EFL1: variants seen among roughly 807,000 people sequenced by gnomAD.
EFL1 encodes the protein elongation factor-like GTPase 1.
Under a neutral mutation model 126.7 loss-of-function variants are expected in EFL1, and 76 were observed. That is an observed-to-expected ratio of 0.60 (90% CI 0.50 to 0.73). EFL1 has a LOEUF of 0.73. EFL1 is among the 30% of genes least tolerant of loss of function. The pLI is 0.00. For synonymous variants in EFL1, 410 were observed against 448.4 expected (o/e 0.91, Z 1.08); for missense variants, 1,128 against 1,343.2 (o/e 0.84, Z 2.50).
chr15:82,199,922 G>T (rs538673865), intron 15 of EFL1, among the ~76,000 whole-genome samples: 2 of 152,124 alleles, frequency 1.3e-5, no homozygotes, highest in African/African-American at 2.4e-5. Flanking sequence ...AATTATTAAA[G>T]CTAAAAGTGA....
chr15:82,202,115 T>C (rs917492540), intron 15 of EFL1, among the ~76,000 whole-genome samples: 3 of 152,222 alleles, frequency 2.0e-5, no homozygotes, highest in Non-Finnish European at 2.9e-5. Flanking sequence ...TCAAAAAGTT[T>C]TGAATCTTTG....
At chr15:82,182,871 C>T (rs1490895156) in intron 15 of EFL1, among the ~76,000 whole-genome samples, 2 of 152,004 alleles carry the variant, frequency 1.3e-5, no homozygotes, top group Non-Finnish European at 2.9e-5. Flanking sequence ...GACATGGAGC[C>T]AAAATGTGGT....
chr15:82,152,158 G>T lies in EFL1; in HGVS notation c.2296C>A (p.Leu766Met), dbSNP rs777413648. ...MPLPEEVTQI[L>M]EENSDLIRSM... ...CGAATCAAATCACTATTTTCTTCCA[G>T]AATCTGGGTGACTTCTTCTGGAAGG... The change falls in exon 18 of 20, where the codon CTG (leucine) becomes ATG (methionine). Residue 766 changes from leucine to methionine, a missense_variant. Physicochemically the swap from Leu to Met is conservative, Grantham distance 15. Around this residue, in one of 6 missense-constraint regions of EFL1, gnomAD observed 561 missense variants for 641.7 expected, o/e 0.87. Coordinates refer to ENST00000268206, the MANE Select transcript of EFL1 (RefSeq NM_024580.6). 6.2e-7 allele frequency: 1 copy of T among 1,614,100 alleles called. No individual in the cohort carries two copies. Among genetic ancestry groups the T allele is most frequent in the African/African-American group, 1.3e-5 (1 of 75,026 alleles).
intron 3 of EFL1, among the ~76,000 whole-genome samples, chr15:82,253,784 G>A (rs1159406008): frequency 6.6e-6 from 1 of 152,072 alleles, no homozygotes; most frequent in Non-Finnish European, 1.5e-5. Context: ...CCACCAATGA[G>A]TGTCTACATC....
chr15:82,138,421 A>AGTGTGT (rs2073745436), intron 19 of EFL1, among the ~76,000 whole-genome samples: 1 of 108,950 alleles, frequency 9.2e-6, no homozygotes, highest in Admixed American at 1.1e-4. Flanking sequence ...AGAGAGAGAG[A>AGTGTGT]GAGAGTGTAT....
At position 82,157,857 on chromosome 15, in the gene EFL1, T is replaced by C; in HGVS notation, c.1886A>G (p.Glu629Gly). The C allele has an allele frequency of 6.2e-7, 1 of 1,612,170 alleles. No homozygotes were observed. The highest frequency in any genetic ancestry group is 8.5e-7 in the Non-Finnish European group (1 of 1,178,716). Residue 629 changes from glutamate to glycine, a missense_variant, in exon 17 of 20, where the codon GAA (glutamate) becomes GGA (glycine). Physicochemically the swap from Glu to Gly is moderately conservative, Grantham distance 98. This residue lies in a region of EFL1 where 561 missense variants were observed against 641.7 expected (regional missense o/e 0.87). Coordinates refer to ENST00000268206, the MANE Select transcript of EFL1 (RefSeq NM_024580.6). Reference sequence around the variant, plus strand: ...CATTCCTTTTACGAGCTGAGGCATTTCACCTAGGTTAACAAAACGAAATAG... The same window carrying C: ...CATTCCTTTTACGAGCTGAGGCATTCCACCTAGGTTAACAAAACGAAATAG... The part of the protein sequence containing the change: ...RVAVEPKHPS[E>G]MPQLVKGMKL...
At chr15:82,214,686 A>C in intron 15 of EFL1, 31 bp downstream of exon 15, 1 of 1,339,072 alleles carries the variant, frequency 7.5e-7, no homozygotes, top group Non-Finnish European at 1.0e-6. Flanking sequence ...CCTAGAATGG[A>C]GTAAGGATAA....
chr15:82,225,132 C>T (rs754280978), intron 12 of EFL1, 33 bp downstream of exon 12: 3 of 1,539,688 alleles, frequency 1.9e-6, no homozygotes, highest in East Asian at 4.5e-5. Context: ...ACACCATATT[C>T]CTAGCCCAGC....
intron 15 of EFL1, among the ~76,000 whole-genome samples, chr15:82,177,352 C>G (rs2074205424): frequency 2.0e-5 from 3 of 152,276 alleles, no homozygotes; most frequent in East Asian, 1.9e-4. Context: ...TAAAAAAGAA[C>G]TGGCAGCAAA....
chr15:82,155,267 C>T (rs1403356977), intron 17 of EFL1, among the ~76,000 whole-genome samples: 6 of 151,944 alleles, frequency 3.9e-5, no homozygotes, highest in Admixed American at 6.6e-5. Context: ...TTTGGGAGGC[C>T]GAGGAGGTTG....
intron 4 of EFL1, among the ~76,000 whole-genome samples, chr15:82,249,895 A>G (rs2075006072): frequency 6.6e-6 from 1 of 152,132 alleles, no homozygotes; most frequent in Non-Finnish European, 1.5e-5. Flanking sequence ...TTTAAACTAG[A>G]ATAAGACCCT....
chr15:82,153,053 T>C (rs2073930553), intron 17 of EFL1, among the ~76,000 whole-genome samples: 1 of 152,200 alleles, frequency 6.6e-6, no homozygotes, highest in Non-Finnish European at 1.5e-5. Flanking sequence ...TTTATTTAAA[T>C]TTAAATAGAC....
chr15:82,174,860 T>C (rs569789286), intron 15 of EFL1, among the ~76,000 whole-genome samples: 1 of 152,358 alleles, frequency 6.6e-6, no homozygotes, highest in East Asian at 1.9e-4. Flanking sequence ...AAGGTTAATA[T>C]TTTCTACGAA....
At chr15:82,250,724 C>T (rs933491423) in intron 4 of EFL1, among the ~76,000 whole-genome samples, 9 of 152,150 alleles carry the variant, frequency 5.9e-5, no homozygotes, top group Admixed American at 4.6e-4. Context: ...TAAACTTTTA[C>T]TGATACGGTC....
intron 15 of EFL1, among the ~76,000 whole-genome samples, chr15:82,205,325 T>C (rs2074513238): frequency 6.6e-6 from 1 of 152,254 alleles, no homozygotes; most frequent in African/African-American, 2.4e-5. Context: ...CAAATGCTCG[T>C]TGTGGCTTTT....
At chr15:82,137,502 T>C (rs776629638) in intron 19 of EFL1, among the ~76,000 whole-genome samples, 1 of 152,206 alleles carries the variant, frequency 6.6e-6, no homozygotes, top group Non-Finnish European at 1.5e-5. Context: ...CAGCAAGGGC[T>C]GGTCAGCCAC....
Position 82,219,934 on chromosome 15 carries a change from G to C in EFL1, c.1445-116C>G, listed in dbSNP as rs868113112. Reference sequence around the variant, plus strand: ...TTTCGTCAAGTTTCAGGAAAAAAAAGAAAACAAAACAAAACAAGAATGGAA... The same window carrying C: ...TTTCGTCAAGTTTCAGGAAAAAAAACAAAACAAAACAAAACAAGAATGGAA... On this transcript the variant is annotated intron_variant, in intron 13 of 19. Transcript: ENST00000268206. 18 of 1,481,310 alleles carry C rather than the reference G, an allele frequency of 1.2e-5. No homozygotes were observed. In the Middle Eastern group the frequency reaches 1.3e-3, roughly 111 times the overall value. 91.8% of individuals were successfully genotyped at this position (1,481,310 alleles called of 1,614,324 possible).
At chr15:82,138,424 G>GT (rs1348318052) in intron 19 of EFL1, among the ~76,000 whole-genome samples, 3 of 112,092 alleles carry the variant, frequency 2.7e-5, no homozygotes, top group Non-Finnish European at 3.7e-5. Context: ...GAGAGAGAGA[G>GT]AGTGTATGTG....
intron 15 of EFL1, among the ~76,000 whole-genome samples, chr15:82,183,975 T>C (rs2074277974): frequency 6.6e-6 from 1 of 152,202 alleles, no homozygotes; most frequent in Non-Finnish European, 1.5e-5. Context: ...CCTGTGTCCA[T>C]GGTTTTGGTT....
Sources: allele counts gnomAD v4.1 joint callset (sites outside exome capture counted in the v4.1 genomes callset), GRCh38; gene constraint gnomAD v4.1.1; regional missense constraint gnomAD v4.1.1; transcripts MANE v1.5; gene names NCBI Gene and HGNC (gene_info 2026-07-23, HGNC 2026-07-21).